The following XIRP2 variants were observed in gnomAD, a reference collection of about 807,000 sequenced individuals.
XIRP2 encodes the protein xin actin binding repeat containing 2, also known as xin actin-binding repeat-containing protein 2.
XIRP2 carries 236 observed loss-of-function variants against 277.0 expected under a neutral mutation model. That is an observed-to-expected ratio of 0.85 (90% confidence interval 0.77 to 0.95). The LOEUF is 0.95. Among genes scored for constraint, XIRP2 ranks in the 40% least tolerant of loss-of-function variants. XIRP2 has a pLI of 0.00. For missense variants in XIRP2, 4,640 were observed against 4,157.5 expected (o/e 1.12, Z -3.19); for synonymous variants, 1,490 against 1,416.5 (o/e 1.05, Z -1.17).
intron 2 of XIRP2, among the ~76,000 whole-genome samples, chr2:166,912,392 G>T (rs550695071): frequency 6.6e-6 from 1 of 152,226 alleles, no homozygotes; most frequent in Admixed American, 6.5e-5. Flanking sequence ...TCTTCTAGTT[G>T]ATCGAATCGG....
At chr2:167,034,514 A>G (rs564652240) in intron 2 of XIRP2, among the ~76,000 whole-genome samples, 4 of 152,046 alleles carry the variant, frequency 2.6e-5, no homozygotes, top group Non-Finnish European at 5.9e-5. Flanking sequence ...AAGAAAAAAA[A>G]AAAGACCCAG....
intron 2 of XIRP2, among the ~76,000 whole-genome samples, chr2:167,022,717 G>C (rs1425666036): frequency 2.0e-5 from 3 of 151,236 alleles, no homozygotes; most frequent in South Asian, 2.1e-4. Flanking sequence ...TTTTGTCCTT[G>C]CGGTAGTTTA....
At chr2:167,208,679 TA>T (rs1302927692) in intron 3 of XIRP2, among the ~76,000 whole-genome samples, 11 of 152,152 alleles carry the variant, frequency 7.2e-5, no homozygotes, top group African/African-American at 1.9e-4. Context: ...TGACAAATAA[TA>T]TTGGGCATTT....
At chr2:167,254,243 G>A (rs747305218) in intron 10 of XIRP2, 78 bp downstream of exon 10, 67 of 1,370,386 alleles carry the variant, frequency 4.9e-5, no homozygotes, top group Non-Finnish European at 6.1e-5. Flanking sequence ...CTAGGAGGAT[G>A]CACATTTTTC....
At chr2:167,224,796 G>C (rs191501039) in intron 5 of XIRP2, among the ~76,000 whole-genome samples, 2 of 152,120 alleles carry the variant, frequency 1.3e-5, no homozygotes, top group Non-Finnish European at 2.9e-5. Context: ...ATTCACAAAT[G>C]TGTATGTAAA....
At chr2:167,116,248 G>A (rs546243183) in intron 2 of XIRP2, among the ~76,000 whole-genome samples, 18 of 152,244 alleles carry the variant, frequency 1.2e-4, no homozygotes, top group Admixed American at 9.2e-4. Context: ...AAATCTTGAA[G>A]TATAATGGTG....
At chr2:167,179,324 T>TTTTTTTTTTC (rs1553496049) in intron 3 of XIRP2, among the ~76,000 whole-genome samples, 7 of 125,362 alleles carry the variant, frequency 5.6e-5, no homozygotes, top group South Asian at 2.3e-4. Flanking sequence ...TTTTTTCTTG[T>TTTTTTTTTTC]TTTTTTTTTT....
At chr2:167,036,606 A>G (rs778218765) in intron 2 of XIRP2, among the ~76,000 whole-genome samples, 5 of 152,124 alleles carry the variant, frequency 3.3e-5, no homozygotes, top group Admixed American at 1.3e-4. Context: ...TCTCTCAGAT[A>G]AAACTTTGGA....
In XIRP2 at chr2:167,218,231, G is replaced by A. The variant is rs751587508; in HGVS notation, c.789G>A (p.Glu263=). 7.5e-6 allele frequency: 12 copies of A among 1,607,956 alleles called. No homozygotes were observed. The South Asian group carries it at 1.2e-4, about 16-fold the overall frequency. ...GGLAKVKKQF[E]DEITSSRNTF... The stretch of plus-strand genomic sequence containing the variant: ...TGGCCAAGGTGAAGAAACAATTTGA[G>A]GACGAAATTACTTCTTCCCGTAATA... Residue 263 remains glutamate, a synonymous_variant, in exon 5 of 11, where the codon GAG becomes GAA. Coordinates refer to ENST00000409195, the MANE Select transcript of XIRP2 (RefSeq NM_152381.6).
chr2:167,202,536 G>T (rs1289438485), intron 3 of XIRP2, among the ~76,000 whole-genome samples: 1 of 152,100 alleles, frequency 6.6e-6, no homozygotes, highest in African/African-American at 2.4e-5. Flanking sequence ...CAGGTAGGCG[G>T]ACATTTCTTT....
At chr2:167,156,265 A>T (rs1692193406) in intron 3 of XIRP2, among the ~76,000 whole-genome samples, 1 of 152,306 alleles carries the variant, frequency 6.6e-6, no homozygotes, top group Non-Finnish European at 1.5e-5. Flanking sequence ...TTCATATGGA[A>T]CCAAAAAAGA....
At chr2:167,222,472 A>T (rs761809252) in intron 5 of XIRP2, among the ~76,000 whole-genome samples, 8 of 152,208 alleles carry the variant, frequency 5.3e-5, no homozygotes, top group Non-Finnish European at 1.0e-4. Flanking sequence ...TTTGTTTTTC[A>T]TAACAACCAT....
intron 2 of XIRP2, among the ~76,000 whole-genome samples, chr2:167,062,709 C>T (rs896046607): frequency 3.9e-5 from 6 of 152,002 alleles, no homozygotes; most frequent in Admixed American, 6.6e-5. Context: ...AAGGTTATTA[C>T]AGTTATTTTT....
intron 2 of XIRP2, among the ~76,000 whole-genome samples, chr2:167,087,654 T>A (rs1223072764): frequency 6.6e-6 from 1 of 152,260 alleles, no homozygotes; most frequent in Non-Finnish European, 1.5e-5. Flanking sequence ...GTGTGCCGTT[T>A]TTTAAGCCGG....
At chr2:166,917,831 T>C (rs73024333) in intron 2 of XIRP2, among the ~76,000 whole-genome samples, 1,951 of 152,234 alleles carry the variant, frequency 0.013, 45 homozygotes, top group African/African-American at 0.044. Flanking sequence ...AGCCTATCTT[T>C]CTTAGATGTT....
In XIRP2 at chr2:167,249,836, T is replaced by C. The variant is rs751488961; in HGVS notation, c.8444T>C (p.Leu2815Pro). The change falls in exon 9 of 11, where the codon CTT (leucine) becomes CCT (proline). Residue 2815 changes from leucine to proline, a missense_variant. Coordinates refer to ENST00000409195, the MANE Select transcript of XIRP2 (RefSeq NM_152381.6). ...REFSGSDRGK[L>P]PGSEEKNQGP... ...TTTAGCGGATCTGACAGAGGGAAAC[T>C]TCCAGGAAGTGAAGAAAAAAATCAG... 6.2e-7 allele frequency: 1 copy of C among 1,613,328 alleles called. No individual in the cohort carries two copies. The highest frequency in any genetic ancestry group is 1.7e-5 in the Admixed American group (1 of 59,948).
intron 1 of XIRP2, among the ~76,000 whole-genome samples, chr2:166,895,858 T>C (rs1684227756): frequency 6.6e-6 from 1 of 152,168 alleles, no homozygotes; most frequent in Admixed American, 6.6e-5. Flanking sequence ...AATTACTTGT[T>C]AAATGTAATA....
At chr2:167,097,068 G>A (rs1416851628) in intron 2 of XIRP2, among the ~76,000 whole-genome samples, 5 of 152,120 alleles carry the variant, frequency 3.3e-5, no homozygotes, top group Non-Finnish European at 7.4e-5. Context: ...GGTTCACTAG[G>A]TCCAGAGCTG....
chr2:167,240,396 C>CA (rs1695028195), intron 6 of XIRP2, among the ~76,000 whole-genome samples: 1 of 152,136 alleles, frequency 6.6e-6, no homozygotes, highest in Non-Finnish European at 1.5e-5. Flanking sequence ...GCCCGGGTGA[C>CA]AGTGCAAGAC....
Sources: allele counts gnomAD v4.1 joint callset (sites outside exome capture counted in the v4.1 genomes callset), GRCh38; gene constraint gnomAD v4.1.1; transcripts MANE v1.5; gene names NCBI Gene and HGNC (gene_info 2026-07-23, HGNC 2026-07-21).